The following PDE12 variants were observed in gnomAD, a reference collection of about 807,000 sequenced individuals.
PDE12 encodes the protein 2',5'-phosphodiesterase 12.
A neutral mutation model predicts 45.4 loss-of-function variants in PDE12; 26 were observed. That is an observed-to-expected ratio of 0.57 (90% CI 0.42 to 0.79). The LOEUF (loss-of-function observed/expected upper bound fraction) is 0.79, where lower values mean the gene tolerates loss of function less well. Ranked by LOEUF, PDE12 falls within the 30% of genes least tolerant of loss-of-function variation. The pLI is 0.00. For synonymous variants in PDE12, 283 were observed against 323.9 expected, an observed-to-expected ratio of 0.87 and a Z score of 1.36; for missense variants, 668 against 790.0, an observed-to-expected ratio of 0.85 and a Z score of 1.85.
At chr3:57,612,597 C>G in the PDE12 span, among the ~76,000 whole-genome samples, 1 of 151,774 alleles carries the variant, frequency 6.6e-6, no homozygotes, top group Non-Finnish European at 1.5e-5. Context: ...ATGGTGAAAC[C>G]CCGTGTCTAC....
chr3:57,557,744 G>A (rs952739929), intron 1 of PDE12, 57 bp downstream of exon 1: 4 of 1,491,584 alleles, frequency 2.7e-6, no homozygotes, highest in Non-Finnish European at 3.7e-6. Flanking sequence ...GGCCAGGAAG[G>A]CGAGGAATGA....
chr3:57,594,271 AT>A, the PDE12 span, among the ~76,000 whole-genome samples: 1 of 152,136 alleles, frequency 6.6e-6, no homozygotes, highest in Admixed American at 6.5e-5. Flanking sequence ...CTTTATTTTT[AT>A]TTTTTTCAAA....
chr3:57,560,303 T>C lies in PDE12; in HGVS notation c.*299T>C. On this transcript the variant is annotated 3_prime_UTR_variant, in exon 3 of 3. Transcript: ENST00000311180. ...AGAAAAGGAAGATTGAATTAGCGTGTTTTTTGTTTGTTTGTTTTTGTTTTT... is the reference window on the plus strand; with the variant it reads ...AGAAAAGGAAGATTGAATTAGCGTGCTTTTTGTTTGTTTGTTTTTGTTTTT... 1 of 1,142,606 alleles carries C rather than the reference T, an allele frequency of 8.8e-7. No homozygotes were observed. The highest frequency in any genetic ancestry group is 1.1e-6 in the Non-Finnish European group (1 of 929,550). 70.8% of individuals were successfully genotyped at this position (1,142,606 alleles called of 1,614,324 possible). A position where few individuals can be genotyped will look rare whatever the true frequency, so the allele number is the denominator to read the frequency against.
the PDE12 span, chr3:57,627,858 G>A: frequency 5.6e-6 from 1 of 177,096 alleles, no homozygotes; most frequent in Admixed American, 5.5e-5. Context: ...GTTTTAACAT[G>A]ATTGGGCAAA....
At chr3:57,557,936 C>A (rs1352692500) in intron 1 of PDE12, among the ~76,000 whole-genome samples, 1 of 152,170 alleles carries the variant, frequency 6.6e-6, no homozygotes. Context: ...ACAGTGCTTA[C>A]AATCTAGCGA....
the PDE12 span, among the ~76,000 whole-genome samples, chr3:57,598,799 C>A: frequency 2.6e-5 from 4 of 151,932 alleles, no homozygotes; most frequent in South Asian, 2.1e-4. Context: ...ACAACAACAA[C>A]AAAAAAACCC....
At chr3:57,609,687 G>A in the PDE12 span, among the ~76,000 whole-genome samples, 2 of 152,112 alleles carry the variant, frequency 1.3e-5, no homozygotes, top group Non-Finnish European at 2.9e-5. Flanking sequence ...AAACCAGGAA[G>A]AAGTCGAATC....
At chr3:57,629,678 ATTTTTTTT>A in the PDE12 span, among the ~76,000 whole-genome samples, 2 of 136,494 alleles carry the variant, frequency 1.5e-5, no homozygotes, top group African/African-American at 5.4e-5. Context: ...CGCCCGGCTA[ATTTTTTTT>A]TTTTTTTTTG....
the PDE12 span, chr3:57,641,589 AAAAG>A: frequency 2.2e-6 from 3 of 1,365,686 alleles, no homozygotes; most frequent in Non-Finnish European, 2.0e-6. Context: ...ATCAAGGATG[AAAAG>A]AAAGAAACCT....
At chr3:57,609,730 A>G in the PDE12 span, among the ~76,000 whole-genome samples, 16 of 152,156 alleles carry the variant, frequency 1.1e-4, no homozygotes, top group Non-Finnish European at 4.4e-5. Flanking sequence ...TCTGAAATTG[A>G]GGCAATAATT....
At chr3:57,590,089 C>CAATAAATAAATAAATA in the PDE12 span, among the ~76,000 whole-genome samples, 10 of 135,206 alleles carry the variant, frequency 7.4e-5, no homozygotes, top group East Asian at 2.2e-4. Context: ...GACTCTGTCT[C>CAATAAATAAATAAATA]AATAAATAAA....
chr3:57,558,840 C>T lies in PDE12; in HGVS notation c.1309-470C>T, dbSNP rs143423817. Among the ~76,000 whole-genome samples the T allele has an allele frequency of 9.8e-4, 122 of 124,278 alleles. No homozygotes were observed. The East Asian group carries it at 0.019, about 19-fold the overall frequency. 81.5% of individuals were successfully genotyped at this position (124,278 alleles called of 152,430 possible). A position where few individuals can be genotyped will look rare whatever the true frequency, so the allele number is the denominator to read the frequency against. On this transcript the variant is annotated intron_variant, in intron 1 of 2. Transcript: ENST00000311180. The stretch of plus-strand genomic sequence containing the variant: ...TTACACTGAACCTAGTCATGTAGAT[C>T]CTGAAACTTTAAGTTGGATTTCATG...
the PDE12 span, chr3:57,597,156 T>C: frequency 6.2e-7 from 1 of 1,611,248 alleles, no homozygotes; most frequent in Admixed American, 1.7e-5. Context: ...TAGTGGCACT[T>C]GTGATGGGCA....
chr3:57,595,445 T>C, the PDE12 span, among the ~76,000 whole-genome samples: 1 of 152,162 alleles, frequency 6.6e-6, no homozygotes, highest in African/African-American at 2.4e-5. Flanking sequence ...CTTGCCCTCC[T>C]AAAATAATTC....
At chr3:57,606,214 A>C in the PDE12 span, among the ~76,000 whole-genome samples, 5 of 152,208 alleles carry the variant, frequency 3.3e-5, no homozygotes, top group African/African-American at 9.6e-5. Flanking sequence ...ACCAGTGATA[A>C]AGAGGAAATC....
the PDE12 span, among the ~76,000 whole-genome samples, chr3:57,587,604 G>A: frequency 6.6e-6 from 1 of 151,856 alleles, no homozygotes; most frequent in Non-Finnish European, 1.5e-5. Flanking sequence ...TAATTAAAAT[G>A]TTGGGCTGTT....
At chr3:57,645,810 A>C in the PDE12 span, 54 of 1,319,448 alleles carry the variant, frequency 4.1e-5, 2 homozygotes, top group South Asian at 7.4e-5. Context: ...AAAGGTCCTA[A>C]TCTATAACTA....
At chr3:57,584,705 G>C in the PDE12 span, among the ~76,000 whole-genome samples, 6 of 152,118 alleles carry the variant, frequency 3.9e-5, no homozygotes, top group African/African-American at 1.4e-4. Context: ...CAAGTATGTA[G>C]CTGACTTAGG....
chr3:57,587,690 A>C, the PDE12 span, among the ~76,000 whole-genome samples: 1 of 152,024 alleles, frequency 6.6e-6, no homozygotes, highest in Admixed American at 6.6e-5. Context: ...TACTCATTTT[A>C]CTTTTTTAAA....
Sources: gnomAD v4.1 joint callset for allele counts (sites outside exome capture counted in the v4.1 genomes callset) on GRCh38, gnomAD v4.1.1 for gene constraint, MANE v1.5 for transcripts, NCBI Gene and HGNC (gene_info 2026-07-23, HGNC 2026-07-21) for gene names.